The following POLR1D variants were observed in gnomAD, a reference collection of about 807,000 sequenced individuals.
The protein encoded by POLR1D is RNA polymerase I and III subunit D.
Under a neutral mutation model 10.8 loss-of-function variants are expected in POLR1D, and 8 were observed. The observed-to-expected ratio is 0.74, with a 90% CI of 0.43 to 1.33. The LOEUF is 1.33. Among genes scored for constraint, POLR1D ranks in the 40% most tolerant of loss-of-function variants. The probability of loss-of-function intolerance (pLI) is 0.01; values close to 1 mark genes in which losing one functional copy is unlikely to be tolerated. For synonymous variants in POLR1D, 54 were observed against 57.2 expected, an observed-to-expected ratio of 0.94 and a Z score of 0.25; for missense variants, 152 against 161.7, an observed-to-expected ratio of 0.94 and a Z score of 0.32.
At chr13:27,642,600 CCA>C (rs151089176) in intron 1 of POLR1D, among the ~76,000 whole-genome samples, 2,138 of 152,106 alleles carry the variant, frequency 0.014, 43 homozygotes, top group African/African-American at 0.047. Context: ...GTATCATGTC[CCA>C]CACATACCCA....
chr13:27,666,188 G>T (rs1167933107), exon 3 of POLR1D: 2 of 505,438 alleles, frequency 4.0e-6, no homozygotes, highest in African/African-American at 3.8e-5. Context: ...CAGTGTAGTA[G>T]ACTTACATAT....
At chr13:27,653,026 G>A (rs1010337890) in intron 2 of POLR1D, among the ~76,000 whole-genome samples, 2 of 144,032 alleles carry the variant, frequency 1.4e-5, no homozygotes, top group African/African-American at 5.2e-5. Context: ...AGCCTCCCGA[G>A]TAGCTGGGAT....
At position 27,623,288 on chromosome 13, in the gene POLR1D, A is replaced by G. The variant is rs1280687573; in HGVS notation, c.*38A>G. 4 of 1,612,032 alleles carry G rather than the reference A, an allele frequency of 2.5e-6. No homozygotes were observed. Among genetic ancestry groups the G allele is most frequent in the Non-Finnish European group, 3.4e-6 (4 of 1,179,640 alleles). On this transcript the variant is annotated 3_prime_UTR_variant, in exon 2 of 2. Transcript: ENST00000302979. ...TATACAAGGAGAACTGTCCTGTAGG[A>G]TATTCTCTTCCTGATGGTGCAGAAC... is the stretch of plus-strand genomic sequence containing the variant.
rs1467847351 is a variant in POLR1D at position 27,663,626 on chromosome 13, T to C, written c.102-2060T>C. Among the ~76,000 whole-genome samples, 1 of 152,234 alleles carries C rather than the reference T, an allele frequency of 6.6e-6. No individual in the cohort carries two copies. The highest frequency in any genetic ancestry group is 1.5e-5 in the Non-Finnish European group (1 of 68,044). On this transcript the variant is annotated intron_variant, in intron 2 of 2. Transcript: ENST00000399697. The surrounding 1 kb of genome is among the most constrained non-coding windows in gnomAD (Gnocchi z 4.1). The stretch of plus-strand genomic sequence containing the variant: ...GAAGCATTTGGTTTTAAAGATGATC[T>C]GACATTGAAAACAGCAAAATAGAGT...
exon 3 of POLR1D, chr13:27,666,753 T>A (rs1364238587): frequency 6.6e-6 from 1 of 152,194 alleles, no homozygotes; most frequent in African/African-American, 2.4e-5. Context: ...TCATTTTAAA[T>A]AGAAGTGTTT....
At chr13:27,640,132 A>G (rs1286668265) in intron 1 of POLR1D, among the ~76,000 whole-genome samples, 1 of 152,218 alleles carries the variant, frequency 6.6e-6, no homozygotes, top group Non-Finnish European at 1.5e-5. Flanking sequence ...TACTGTTACC[A>G]TTATAATTTT....
chr13:27,629,060 G>C (rs143965610), intron 1 of POLR1D, among the ~76,000 whole-genome samples: 86 of 152,326 alleles, frequency 5.6e-4, no homozygotes, highest in African/African-American at 2.0e-3. Context: ...CTGGACTCAA[G>C]TGATCCTCCC....
In POLR1D at chr13:27,622,971, A is replaced by G; in HGVS notation, c.123A>G (p.Thr41=). ...QAAGTDRHCV[T]FVLHEEDHTL... ...CTGGAACAGATAGACACTGTGTGAC[A>G]TTTGTATTGCACGAGGAAGACCATA... Residue 41 remains threonine, a synonymous_variant, in exon 2 of 2, where the codon ACA becomes ACG. Transcript: ENST00000302979. The G allele has an allele frequency of 6.2e-7, 1 of 1,614,018 alleles. No homozygotes were observed. The highest frequency in any genetic ancestry group is 1.6e-4 in the Middle Eastern group (1 of 6,062).
At chr13:27,641,550 T>C (rs1436164573) in intron 1 of POLR1D, among the ~76,000 whole-genome samples, 1 of 152,210 alleles carries the variant, frequency 6.6e-6, no homozygotes, top group African/African-American at 2.4e-5. Flanking sequence ...TTTCAAAAAA[T>C]GGCTGAAAAT....
chr13:27,636,525 G>T lies in POLR1D; in HGVS notation c.27-11854G>T, dbSNP rs1016574705. Among the ~76,000 whole-genome samples the T allele has an allele frequency of 3.9e-5, 6 of 152,056 alleles. No homozygotes were observed. The South Asian group carries it at 1.2e-3, about 31-fold the overall frequency. On this transcript the variant is annotated intron_variant, in intron 1 of 2. Transcript: ENST00000399697. ...TGAAACTTTTCTAAAAACACTGGGC[G>T]TTCAGGAATTAATATAGTGTATGTC...
chr13:27,622,270 A>G, intron 1 of POLR1D: 1 of 574,432 alleles, frequency 1.7e-6, no homozygotes, highest in East Asian at 2.9e-5. Context: ...AGTGTGTAAA[A>G]ATCACGCCCC....
At chr13:27,647,373 A>C (rs763175703) in intron 1 of POLR1D, among the ~76,000 whole-genome samples, 1 of 151,572 alleles carries the variant, frequency 6.6e-6, no homozygotes, top group Admixed American at 6.6e-5. Flanking sequence ...CATCCCTCCA[A>C]ATTTTTTTAT....
At position 27,663,441 on chromosome 13, in the gene POLR1D, C is replaced by A. The variant is rs2138575444; in HGVS notation, c.102-2245C>A. Among the ~76,000 whole-genome samples the A allele has an allele frequency of 6.6e-6, 1 of 152,292 alleles. No individual in the cohort carries two copies. Among genetic ancestry groups the A allele is most frequent in the Admixed American group, 6.5e-5 (1 of 15,294 alleles). On this transcript the variant is annotated intron_variant, in intron 2 of 2. Transcript: ENST00000399697. The surrounding 1 kb of genome is among the most constrained non-coding windows in gnomAD (Gnocchi z 4.1). ...TAAAAGAGATGTAAATGCCAGTTTT[C>A]TTGTGGAATTATTCTATAAAACCAT...
intron 1 of POLR1D, among the ~76,000 whole-genome samples, chr13:27,633,013 G>T (rs1173339607): frequency 6.6e-6 from 1 of 152,200 alleles, no homozygotes; most frequent in Non-Finnish European, 1.5e-5. Context: ...TTGTGGTTGT[G>T]TGTCTTCAAC....
intron 2 of POLR1D, among the ~76,000 whole-genome samples, chr13:27,659,662 G>A (rs1307973389): frequency 1.3e-5 from 2 of 152,070 alleles, no homozygotes; most frequent in Non-Finnish European, 2.9e-5. Flanking sequence ...AGAGAGCCCT[G>A]AATGTGTTAC....
chr13:27,660,583 G>A (rs1338402826), intron 2 of POLR1D, among the ~76,000 whole-genome samples: 1 of 152,218 alleles, frequency 6.6e-6, no homozygotes, highest in Non-Finnish European at 1.5e-5. Context: ...GGGCTCCTGA[G>A]TGGCCAGCTG....
Position 27,622,920 on chromosome 13 carries a change from G to C in POLR1D, c.72G>C (p.Lys24Asn). The C allele has an allele frequency of 6.2e-7, 1 of 1,612,362 alleles. No individual in the cohort carries two copies. The highest frequency in any genetic ancestry group is 8.5e-7 in the Non-Finnish European group (1 of 1,178,348). ...CCTCAATGGCTGAAGGCGAGAGGAA[G>C]ACAGCCCTGGAAATGGTCCAGGCAG... ...LKTSMAEGER[K>N]TALEMVQAAG... Residue 24 changes from lysine to asparagine, a missense_variant, in exon 2 of 2, where the codon AAG (lysine) becomes AAC (asparagine). Physicochemically the swap from Lys to Asn is moderately conservative, Grantham distance 94 (BLOSUM62 0). Transcript: ENST00000302979.
chr13:27,635,748 A>AT (rs554017075), intron 1 of POLR1D, among the ~76,000 whole-genome samples: 12,595 of 148,360 alleles, frequency 0.085, 807 homozygotes, highest in East Asian at 0.32. Flanking sequence ...ATATATATAT[A>AT]AATTGTATTT....
intron 2 of POLR1D, among the ~76,000 whole-genome samples, chr13:27,653,712 TAATA>T (rs1361492248): frequency 2.0e-5 from 3 of 152,166 alleles, no homozygotes; most frequent in Admixed American, 1.3e-4. Flanking sequence ...CATTTTTAAA[TAATA>T]AATCAAATAC....
Sources: allele counts gnomAD v4.1 joint callset (sites outside exome capture counted in the v4.1 genomes callset), GRCh38; gene constraint gnomAD v4.1.1; non-coding constraint Gnocchi (gnomAD v3.1); transcripts MANE v1.5; gene names NCBI Gene and HGNC (gene_info 2026-07-23, HGNC 2026-07-21).